Variants in FGF18 observed in about 807,000 individuals in gnomAD.
FGF18 encodes fibroblast growth factor 18.
Under a neutral mutation model 23.0 loss-of-function variants are expected in FGF18, and 5 were observed. The observed-to-expected ratio is 0.22, with a 90% CI of 0.11 to 0.46. The LOEUF is 0.46. Ranked by LOEUF, FGF18 falls within the 20% of genes least tolerant of loss-of-function variation. The probability of loss-of-function intolerance (pLI) is 0.99; values close to 1 mark genes in which losing one functional copy is unlikely to be tolerated. For synonymous variants in FGF18, 117 were observed against 118.9 expected (o/e 0.98, Z 0.10); for missense variants, 180 against 291.6 (o/e 0.62, Z 2.79).
intron 2 of FGF18, among the ~76,000 whole-genome samples, chr5:171,426,796 C>T (rs895173421): frequency 2.0e-5 from 3 of 152,182 alleles, no homozygotes; most frequent in African/African-American, 4.8e-5. Context: ...TAGGCTTTGG[C>T]GTAGGGGAAA....
At chr5:171,421,334 C>T (rs1772003653) in intron 2 of FGF18, among the ~76,000 whole-genome samples, 1 of 151,752 alleles carries the variant, frequency 6.6e-6, no homozygotes, top group Non-Finnish European at 1.5e-5. Flanking sequence ...TGGTGGGGGT[C>T]GGGGGGCGGC....
intron 2 of FGF18, among the ~76,000 whole-genome samples, chr5:171,421,670 C>T (rs746933836): frequency 2.0e-5 from 3 of 152,184 alleles, no homozygotes; most frequent in Non-Finnish European, 4.4e-5. Context: ...ATCTTCCTTC[C>T]ACGCCCAGGA....
intron 1 of FGF18, 81 bp from the exon 2 acceptor site, chr5:171,420,326 G>C (rs765015209): frequency 2.0e-5 from 32 of 1,605,564 alleles, no homozygotes; most frequent in Non-Finnish European, 2.6e-5. Context: ...CGGTTCACCT[G>C]ACTCTTCGAC....
chr5:171,442,345 C>A (rs889263047), intron 3 of FGF18, among the ~76,000 whole-genome samples: 15 of 152,194 alleles, frequency 9.9e-5, no homozygotes, highest in African/African-American at 3.6e-4. Flanking sequence ...TCTCTCTCCC[C>A]CTCTCAAGAT....
In FGF18 at chr5:171,436,114, G is replaced by A. The variant is rs781557133; in HGVS notation, c.91G>A (p.Val31Met). 11 of 1,564,850 alleles carry A rather than the reference G, an allele frequency of 7.0e-6. No homozygotes were observed. The highest frequency in any genetic ancestry group is 1.2e-5 in the South Asian group (1 of 86,402). ...CCAGGTGCTGGTTGCCGAGGAGAAC[G>A]TGGACTTCCGCATCCACGTGGAGAA... ...QVQVLVAEEN[V>M]DFRIHVENQT... The change falls in exon 3 of 5, where the codon GTG becomes ATG. Residue 31 changes from valine (V) to methionine (M), a missense_variant. This residue lies in a region of FGF18 where 57 missense variants were observed against 59.8 expected (regional missense o/e 0.95). Coordinates refer to ENST00000274625, the MANE Select transcript of FGF18 (RefSeq NM_003862.3). The surrounding 1 kb of genome is among the most constrained non-coding windows in gnomAD (Gnocchi z 4.4).
intron 4 of FGF18, among the ~76,000 whole-genome samples, chr5:171,450,767 CT>C (rs1461659789): frequency 6.6e-6 from 1 of 152,048 alleles, no homozygotes; most frequent in African/African-American, 2.4e-5. Flanking sequence ...CCGGGTCCCC[CT>C]AGCCTGGCCG....
Position 171,451,488 on chromosome 5 carries a change from C to A in FGF18, c.357+2235C>A, listed in dbSNP as rs1056682205. On this transcript the variant is annotated intron_variant, in intron 4 of 4. Coordinates refer to ENST00000274625, the MANE Select transcript of FGF18 (RefSeq NM_003862.3). This position sits in a 1 kb window ranked among gnomAD's most constrained non-coding sequence, Gnocchi z 4.5. ...TGTCCCCTCCTGCCCTAACCCCTGC[C>A]ACCGCCTCTGTTCTGGCCTCCTACC... Among the ~76,000 whole-genome samples the A allele has an allele frequency of 6.6e-6, 1 of 152,208 alleles. No homozygotes were observed. The highest frequency in any genetic ancestry group is 2.4e-5 in the African/African-American group (1 of 41,456).
Position 171,450,008 on chromosome 5 carries a change from A to G in FGF18, c.357+755A>G, listed in dbSNP as rs141276354. Among the ~76,000 whole-genome samples the G allele has an allele frequency of 2.3e-3, 343 of 150,894 alleles. 2 individuals are homozygous for G. Among genetic ancestry groups the G allele is most frequent in the South Asian group, 0.014 (68 of 4,758 alleles). Reference sequence around the variant, plus strand: ...GGAAGGTGTTATCCACAGGAGCTCTATGGTAGGGTCAGGTTCTCTGTCCCC... The same window carrying G: ...GGAAGGTGTTATCCACAGGAGCTCTGTGGTAGGGTCAGGTTCTCTGTCCCC... On this transcript the variant is annotated intron_variant, in intron 4 of 4. Coordinates refer to ENST00000274625, the MANE Select transcript of FGF18 (RefSeq NM_003862.3).
chr5:171,454,839 GC>G (rs1194949093), intron 4 of FGF18, among the ~76,000 whole-genome samples: 5 of 152,196 alleles, frequency 3.3e-5, no homozygotes, highest in African/African-American at 1.2e-4. Context: ...GCTAATTCAG[GC>G]CTTCCAACTT....
rs1335569372 is a variant in FGF18, at chr5:171,420,354, G to C, written c.33-53G>C. On this transcript the variant is annotated intron_variant, in intron 1 of 4. Coordinates refer to ENST00000274625, the MANE Select transcript of FGF18 (RefSeq NM_003862.3). ...TCTTCGACTGCGTGTCTGTCTGTCC[G>C]TGCGCCCCCTTCCTCAGGTCCCACT... 1.9e-6 allele frequency: 3 copies of C among 1,609,280 alleles called. No individual in the cohort carries two copies. In the East Asian group the frequency reaches 6.7e-5, roughly 36 times the overall value.
intron 2 of FGF18, among the ~76,000 whole-genome samples, chr5:171,428,226 T>C (rs1383423778): frequency 6.6e-6 from 1 of 152,094 alleles, no homozygotes; most frequent in Non-Finnish European, 1.5e-5. Context: ...GGAGGAATGT[T>C]GGGTCAGTGA....
At chr5:171,424,531 G>A (rs1772063244) in intron 2 of FGF18, among the ~76,000 whole-genome samples, 1 of 152,234 alleles carries the variant, frequency 6.6e-6, no homozygotes, top group Non-Finnish European at 1.5e-5. Context: ...TCAAGATCTT[G>A]TATTCTTTCT....
chr5:171,441,796 T>G (rs1772349408), intron 3 of FGF18, among the ~76,000 whole-genome samples: 1 of 152,186 alleles, frequency 6.6e-6, no homozygotes, highest in Non-Finnish European at 1.5e-5. Context: ...ATGCCCTGTG[T>G]GTGTCAGGGT....
intron 4 of FGF18, among the ~76,000 whole-genome samples, chr5:171,450,649 T>C (rs993832054): frequency 2.0e-5 from 3 of 152,182 alleles, no homozygotes; most frequent in Non-Finnish European, 4.4e-5. Context: ...GGCTCCGGGA[T>C]GCCGAGGAGT....
At chr5:171,421,035 C>T (rs968802305) in intron 2 of FGF18, among the ~76,000 whole-genome samples, 1 of 152,264 alleles carries the variant, frequency 6.6e-6, no homozygotes, top group Non-Finnish European at 1.5e-5. Context: ...CGCACTCCCT[C>T]GCCTAAGGTG....
At chr5:171,452,825 T>A (rs1772535816) in intron 4 of FGF18, among the ~76,000 whole-genome samples, 1 of 152,072 alleles carries the variant, frequency 6.6e-6, no homozygotes, top group South Asian at 2.1e-4. Context: ...AAACTTAACC[T>A]AAAATGCCTT....
chr5:171,420,178 G>A lies in FGF18; in HGVS notation c.-22G>A, dbSNP rs1286306826. ...ACATGTGCAGGCTGGGCTAGGAGCC[G>A]CCGCCTCCCTCCCGCCCAGCGATGT... On this transcript the variant is annotated 5_prime_UTR_variant, in exon 1 of 5. Coordinates refer to ENST00000274625, the MANE Select transcript of FGF18 (RefSeq NM_003862.3). 8 of 1,537,074 alleles carry A rather than the reference G, an allele frequency of 5.2e-6. No individual in the cohort carries two copies. The highest frequency in any genetic ancestry group is 7.0e-6 in the Non-Finnish European group (8 of 1,146,532).
chr5:171,436,323 TC>T lies in FGF18; in HGVS notation c.250+52del, dbSNP rs1772246163. On this transcript the variant is annotated intron_variant, in intron 3 of 4. Transcript: ENST00000274625. This position sits in a 1 kb window ranked among gnomAD's most constrained non-coding sequence, Gnocchi z 4.4. ...CTCCGTGTACCCGTGTACATGTCCT[TC>T]CTGGCCTCAGAGACCTCAAGTTCAA... 7.3e-7 allele frequency: 1 copy of T among 1,371,398 alleles called. No individual in the cohort carries two copies. The highest frequency in any genetic ancestry group is 1.8e-5 in the South Asian group (1 of 55,316). 85.0% of individuals were successfully genotyped at this position (1,371,398 alleles called of 1,614,324 possible). A position where few individuals can be genotyped will look rare whatever the true frequency, so the allele number is the denominator to read the frequency against.
At chr5:171,430,086 C>T (rs566042670) in intron 2 of FGF18, among the ~76,000 whole-genome samples, 9 of 152,204 alleles carry the variant, frequency 5.9e-5, no homozygotes, top group African/African-American at 1.4e-4. Context: ...AGGCTGAGCG[C>T]GGTGGCTCAC....
Sources: allele counts gnomAD v4.1 joint callset (sites outside exome capture counted in the v4.1 genomes callset), GRCh38; gene constraint gnomAD v4.1.1; regional missense constraint gnomAD v4.1.1; non-coding constraint Gnocchi (gnomAD v3.1); transcripts MANE v1.5; gene names NCBI Gene and HGNC (gene_info 2026-07-23, HGNC 2026-07-21).